ANO6: variants seen among roughly 807,000 people sequenced by gnomAD.
ANO6 encodes anoctamin-6.
ANO6 carries 106 observed loss-of-function variants against 117.5 expected under a neutral mutation model. The observed-to-expected ratio is 0.90, with a 90% CI of 0.77 to 1.06. The LOEUF is 1.06. ANO6 is among the 50% of genes least tolerant of loss of function. The probability of loss-of-function intolerance (pLI) is 0.00; values close to 1 mark genes in which losing one functional copy is unlikely to be tolerated. For synonymous variants in ANO6, 367 were observed against 385.1 expected, an observed-to-expected ratio of 0.95 and a Z score of 0.55; for missense variants, 955 against 1,121.1, an observed-to-expected ratio of 0.85 and a Z score of 2.12.
rs781509164 is a variant in ANO6, at chr12:45,396,659, G to A, written c.1387-5136G>A. On this transcript the variant is annotated intron_variant, in intron 12 of 19. Coordinates refer to ENST00000320560, the MANE Select transcript of ANO6 (RefSeq NM_001025356.3). The stretch of plus-strand genomic sequence containing the variant: ...GAGATATAGACCAATGGAACAGAAC[G>A]GAGGCCTCAGAAATAACACCACACA... 2.6e-4 allele frequency among the ~76,000 whole-genome samples: 40 copies of A among 152,114 alleles called. 1 individual carries two copies. Among genetic ancestry groups the A allele is most frequent in the South Asian group, 6.2e-4 (3 of 4,824 alleles).
chr12:45,233,443 A>C (rs1463270626), intron 1 of ANO6, among the ~76,000 whole-genome samples: 1 of 152,152 alleles, frequency 6.6e-6, no homozygotes. Context: ...GGGATCTTTC[A>C]TATGTGATTG....
At chr12:45,414,463 A>G (rs922570037) in intron 16 of ANO6, among the ~76,000 whole-genome samples, 2 of 152,130 alleles carry the variant, frequency 1.3e-5, no homozygotes, top group Non-Finnish European at 2.9e-5. Flanking sequence ...AATTTTTCCC[A>G]TGACTTAGCT....
chr12:45,238,311 C>T (rs912138495), intron 1 of ANO6, among the ~76,000 whole-genome samples: 9 of 151,832 alleles, frequency 5.9e-5, no homozygotes, highest in Admixed American at 2.6e-4. Flanking sequence ...CCAGCATGAC[C>T]GGCTAATTTT....
intron 2 of ANO6, among the ~76,000 whole-genome samples, chr12:45,320,248 G>GCT (rs2137364266): frequency 1.3e-5 from 2 of 151,924 alleles, no homozygotes; most frequent in South Asian, 4.2e-4. Flanking sequence ...TTTCTCTTGT[G>GCT]GGCATTTAGT....
intron 16 of ANO6, among the ~76,000 whole-genome samples, chr12:45,411,689 C>CT (rs1315467010): frequency 6.6e-6 from 1 of 152,202 alleles, no homozygotes; most frequent in African/African-American, 2.4e-5. Context: ...AGCCTCCAGG[C>CT]TTGCTTGGCC....
At chr12:45,288,128 C>T (rs1376570230) in intron 1 of ANO6, among the ~76,000 whole-genome samples, 2 of 152,142 alleles carry the variant, frequency 1.3e-5, no homozygotes, top group Non-Finnish European at 2.9e-5. Flanking sequence ...CATTCCTGCT[C>T]ACCCATCTAG....
At position 45,388,268 on chromosome 12, in the gene ANO6, C is replaced by T. The variant is rs767993570; in HGVS notation, c.1273C>T (p.Arg425Ter). The T allele has an allele frequency of 8.7e-6, 14 of 1,614,066 alleles. No individual in the cohort carries two copies. The highest frequency in any genetic ancestry group is 2.2e-5 in the East Asian group (1 of 44,870). ...ACAAGCCCGACCAGAATACGAAGCACGATGTACTCACGTAGTGATAAATGA... is the reference window on the plus strand; with the variant it reads ...ACAAGCCCGACCAGAATACGAAGCATGATGTACTCACGTAGTGATAAATGA... ...EEQARPEYEA[R>*]CTHVVINEIT... Residue 425 changes from arginine (R) to a stop codon, truncating the protein, a stop_gained, in exon 11 of 20, where the codon CGA becomes TGA. Transcript: ENST00000320560. LOFTEE classifies it high-confidence loss of function.
At chr12:45,311,159 C>G (rs554205454) in intron 2 of ANO6, among the ~76,000 whole-genome samples, 1 of 151,964 alleles carries the variant, frequency 6.6e-6, no homozygotes, top group Non-Finnish European at 1.5e-5. Flanking sequence ...GCATGCTTAT[C>G]TGGGCAGTTA....
intron 1 of ANO6, among the ~76,000 whole-genome samples, chr12:45,290,735 CTAAGTT>C (rs1939066451): frequency 6.6e-6 from 1 of 152,134 alleles, no homozygotes; most frequent in South Asian, 2.1e-4. Flanking sequence ...AATGGTAAAT[CTAAGTT>C]TTTAAAAGTC....
chr12:45,336,188 T>C (rs1262350429), intron 3 of ANO6, among the ~76,000 whole-genome samples: 2 of 152,072 alleles, frequency 1.3e-5, no homozygotes, highest in Non-Finnish European at 1.5e-5. Flanking sequence ...ATTTTTATAA[T>C]AACTGGGTTT....
intron 3 of ANO6, among the ~76,000 whole-genome samples, chr12:45,343,562 G>A (rs757369261): frequency 5.9e-5 from 9 of 152,096 alleles, no homozygotes; most frequent in Non-Finnish European, 1.0e-4. Context: ...GGTCTAACAC[G>A]TTTTCCCTAG....
chr12:45,436,531 A>G (rs962780787), downstream of ANO6, among the ~76,000 whole-genome samples: 10 of 152,210 alleles, frequency 6.6e-5, no homozygotes, highest in Admixed American at 6.5e-4. Flanking sequence ...TGTATAAGAA[A>G]CCACAGGATC....
chr12:45,277,029 C>T (rs1290162766), intron 1 of ANO6, among the ~76,000 whole-genome samples: 1 of 152,156 alleles, frequency 6.6e-6, no homozygotes, highest in Non-Finnish European at 1.5e-5. Context: ...CTCTATATCT[C>T]TGGTTAACAT....
At chr12:45,272,237 CA>C in intron 1 of ANO6, among the ~76,000 whole-genome samples, 1 of 147,638 alleles carries the variant, frequency 6.8e-6, no homozygotes, top group African/African-American at 2.5e-5. Context: ...AAAAATTTAA[CA>C]AAAACTACTA....
At chr12:45,338,634 C>G (rs1461317235) in intron 3 of ANO6, among the ~76,000 whole-genome samples, 1 of 151,954 alleles carries the variant, frequency 6.6e-6, no homozygotes, top group Admixed American at 6.6e-5. Flanking sequence ...TTACAGTCTA[C>G]TTGTTTATGC....
At chr12:45,390,757 A>G (rs1942427615) in intron 12 of ANO6, among the ~76,000 whole-genome samples, 1 of 152,168 alleles carries the variant, frequency 6.6e-6, no homozygotes. Flanking sequence ...GTGATTCAGG[A>G]TTTTCCAGTT....
chr12:45,221,888 T>TA (rs1438869699), intron 1 of ANO6, among the ~76,000 whole-genome samples: 1 of 150,778 alleles, frequency 6.6e-6, no homozygotes, highest in Non-Finnish European at 1.5e-5. Context: ...TTTTTTTTTT[T>TA]TTTTTTTTTG....
rs1247140520 is a variant in ANO6 at position 45,430,239 on chromosome 12, C to T, written c.*928C>T. On this transcript the variant is annotated 3_prime_UTR_variant, in exon 20 of 20. Transcript: ENST00000320560. ...AAAAGATAAGCCCCTCAATTTTCTA[C>T]CAGTTGACTTTTATTCATTAGATAC... 1.0e-6 allele frequency: 1 copy of T among 985,284 alleles called. No homozygotes were observed. Among genetic ancestry groups the T allele is most frequent in the Non-Finnish European group, 1.2e-6 (1 of 829,950 alleles). The allele number at this position is 985,284 out of a possible 1,614,324, so 61.0% of individuals were successfully genotyped here. A position where few individuals can be genotyped will look rare whatever the true frequency, so the allele number is the denominator to read the frequency against.
downstream of ANO6, among the ~76,000 whole-genome samples, chr12:45,433,355 A>G (rs1281929965): frequency 1.3e-5 from 2 of 152,168 alleles, no homozygotes; most frequent in Non-Finnish European, 2.9e-5. Flanking sequence ...TTATTTCCAC[A>G]TTATTACCGA....
Sources: gnomAD v4.1 joint callset for allele counts (sites outside exome capture counted in the v4.1 genomes callset) on GRCh38, gnomAD v4.1.1 for gene constraint, MANE v1.5 for transcripts, NCBI Gene and HGNC (gene_info 2026-07-23, HGNC 2026-07-21) for gene names.